The following KCTD8 variants were observed in gnomAD, a reference collection of about 807,000 sequenced individuals.
KCTD8 encodes the protein potassium channel tetramerization domain containing 8.
Under a neutral mutation model 31.5 loss-of-function variants are expected in KCTD8, and 27 were observed. The ratio of observed to expected loss-of-function variants is 0.86; its 90% CI spans 0.63 to 1.18. The LOEUF (loss-of-function observed/expected upper bound fraction) is 1.18. Ranked by LOEUF, KCTD8 falls within the 50% of genes most tolerant of loss-of-function variation. The pLI, the probability that KCTD8 is intolerant of heterozygous loss-of-function variation, is 0.00. For synonymous variants in KCTD8, 290 were observed against 280.0 expected, an observed-to-expected ratio of 1.04 and a Z score of -0.36; for missense variants, 658 against 647.7, an observed-to-expected ratio of 1.02 and a Z score of -0.17.
intron 1 of KCTD8, among the ~76,000 whole-genome samples, chr4:44,248,138 TCAAAA>T (rs562583681): frequency 1.6e-3 from 245 of 152,064 alleles, no homozygotes; most frequent in Non-Finnish European, 2.9e-3. Flanking sequence ...ATATGCTCTT[TCAAAA>T]CTTTTCATTA....
intron 1 of KCTD8, among the ~76,000 whole-genome samples, chr4:44,351,549 G>C (rs1277462584): frequency 6.6e-6 from 1 of 152,092 alleles, no homozygotes; most frequent in East Asian, 1.9e-4. Flanking sequence ...AAAGTTTCAA[G>C]AATGTCTACA....
chr4:44,293,230 TTTAAGAGGTTTTTTCTTC>T (rs1717330111), intron 1 of KCTD8, among the ~76,000 whole-genome samples: 1 of 152,150 alleles, frequency 6.6e-6, no homozygotes, highest in Non-Finnish European at 1.5e-5. Context: ...TGAAACCTAT[TTTAAGAGGTTTTTTCTTC>T]TTAGTTGATG....
intron 1 of KCTD8, among the ~76,000 whole-genome samples, chr4:44,374,201 G>A (rs981518107): frequency 1.3e-5 from 2 of 152,098 alleles, no homozygotes; most frequent in Non-Finnish European, 1.5e-5. Context: ...GAAGATTAAC[G>A]CAAAAATGCA....
rs1028081765 is a variant in KCTD8, at chr4:44,194,128, T to A, written c.962-18878A>T. Reference sequence around the variant, plus strand: ...AGAAGATACATTTAAGACCAAACTTTTCAATGATATGCAGCACATGATCCA... The same window carrying A: ...AGAAGATACATTTAAGACCAAACTTATCAATGATATGCAGCACATGATCCA... On this transcript the variant is annotated intron_variant, in intron 1 of 1. Coordinates refer to ENST00000360029, the MANE Select transcript of KCTD8 (RefSeq NM_198353.3). Among the ~76,000 whole-genome samples the A allele has an allele frequency of 4.9e-4, 75 of 152,290 alleles. 1 individual carries two copies. Among genetic ancestry groups the A allele is most frequent in the Non-Finnish European group, 2.4e-4 (16 of 68,028 alleles).
chr4:44,281,960 G>A (rs185944645), intron 1 of KCTD8, among the ~76,000 whole-genome samples: 1 of 152,166 alleles, frequency 6.6e-6, no homozygotes, highest in Non-Finnish European at 1.5e-5. Flanking sequence ...GAGTGGCCCT[G>A]AGGATAAATA....
At chr4:44,330,775 C>G (rs1387579873) in intron 1 of KCTD8, among the ~76,000 whole-genome samples, 1 of 151,854 alleles carries the variant, frequency 6.6e-6, no homozygotes, top group Non-Finnish European at 1.5e-5. Context: ...AGTAGGTACT[C>G]AATTTCATGC....
At chr4:44,371,477 T>C (rs1220778617) in intron 1 of KCTD8, among the ~76,000 whole-genome samples, 2 of 152,198 alleles carry the variant, frequency 1.3e-5, no homozygotes, top group Admixed American at 6.5e-5. Flanking sequence ...CACAGAGTAA[T>C]GTCCAATAAG....
chr4:44,321,488 AT>A (rs778854856), intron 1 of KCTD8, among the ~76,000 whole-genome samples: 88 of 152,234 alleles, frequency 5.8e-4, no homozygotes, highest in Admixed American at 9.8e-4. Flanking sequence ...ATATATCATA[AT>A]AGCTGTACTT....
chr4:44,441,504 T>G (rs1465439204), intron 1 of KCTD8, among the ~76,000 whole-genome samples: 2 of 152,300 alleles, frequency 1.3e-5, no homozygotes, highest in East Asian at 3.9e-4. Context: ...CAGACCACAC[T>G]TTTTTGCTTA....
At chr4:44,269,818 A>C (rs1408135405) in intron 1 of KCTD8, among the ~76,000 whole-genome samples, 1 of 152,172 alleles carries the variant, frequency 6.6e-6, no homozygotes, top group Admixed American at 6.5e-5. Context: ...CATCAGAGAA[A>C]TGCAAATCAA....
At chr4:44,262,817 T>C (rs1429755236) in intron 1 of KCTD8, among the ~76,000 whole-genome samples, 1 of 152,208 alleles carries the variant, frequency 6.6e-6, no homozygotes, top group South Asian at 2.1e-4. Flanking sequence ...GGCCCAGAAA[T>C]TTACTCCCCA....
intron 1 of KCTD8, among the ~76,000 whole-genome samples, chr4:44,307,014 C>A (rs760709710): frequency 2.6e-5 from 4 of 151,968 alleles, no homozygotes; most frequent in Non-Finnish European, 5.9e-5. Context: ...CTGACACTCG[C>A]CATCCAATAT....
At chr4:44,259,714 T>C (rs1045579122) in intron 1 of KCTD8, among the ~76,000 whole-genome samples, 1 of 151,970 alleles carries the variant, frequency 6.6e-6, no homozygotes, top group Non-Finnish European at 1.5e-5. Context: ...TTTTCTTCCA[T>C]ATAAGTTGTC....
At chr4:44,367,247 G>A (rs1438313413) in intron 1 of KCTD8, among the ~76,000 whole-genome samples, 2 of 152,118 alleles carry the variant, frequency 1.3e-5, no homozygotes, top group South Asian at 2.1e-4. Flanking sequence ...CCCCCATTAC[G>A]ATATGATAAG....
intron 1 of KCTD8, among the ~76,000 whole-genome samples, chr4:44,402,072 G>A (rs1374435306): frequency 6.6e-6 from 1 of 152,048 alleles, no homozygotes; most frequent in South Asian, 2.1e-4. Context: ...ATATTCTGAA[G>A]CAAAAACTGA....
At chr4:44,199,397 G>T (rs538668620) in intron 1 of KCTD8, among the ~76,000 whole-genome samples, 1 of 151,938 alleles carries the variant, frequency 6.6e-6, no homozygotes, top group East Asian at 1.9e-4. Flanking sequence ...TCAACCACAT[G>T]TTCGGCCATA....
At chr4:44,407,959 C>T (rs1720843795) in intron 1 of KCTD8, among the ~76,000 whole-genome samples, 1 of 152,180 alleles carries the variant, frequency 6.6e-6, no homozygotes, top group African/African-American at 2.4e-5. Context: ...CACATTCTTA[C>T]TGCCTATTGC....
intron 1 of KCTD8, among the ~76,000 whole-genome samples, chr4:44,430,040 A>C (rs1409207947): frequency 2.0e-5 from 3 of 151,684 alleles, no homozygotes; most frequent in African/African-American, 7.3e-5. Context: ...TTTAAAAAAA[A>C]ACACAAAAAA....
At chr4:44,177,626 G>A (rs1713257730) in intron 1 of KCTD8, among the ~76,000 whole-genome samples, 1 of 152,110 alleles carries the variant, frequency 6.6e-6, no homozygotes, top group Non-Finnish European at 1.5e-5. Flanking sequence ...CTCTGCACAA[G>A]CTCTCTCTCT....
Sources: allele counts gnomAD v4.1 joint callset (sites outside exome capture counted in the v4.1 genomes callset), GRCh38; gene constraint gnomAD v4.1.1; transcripts MANE v1.5; gene names NCBI Gene and HGNC (gene_info 2026-07-23, HGNC 2026-07-21).